The following CADPS variants were observed in gnomAD, a reference collection of about 807,000 sequenced individuals.
CADPS encodes calcium dependent secretion activator.
In CADPS, 57 loss-of-function variants were observed where a neutral mutation model predicts 167.3. The ratio of observed to expected loss-of-function variants is 0.34; its 90% CI spans 0.28 to 0.42. The LOEUF is 0.42. CADPS is among the 20% of genes least tolerant of loss of function. The pLI is 1.00. For synonymous variants in CADPS, 676 were observed against 635.3 expected (o/e 1.06, Z -0.96); for missense variants, 1,414 against 1,738.1 (o/e 0.81, Z 3.32).
chr3:62,835,213 T>C (rs369592965), intron 1 of CADPS, among the ~76,000 whole-genome samples: 3 of 152,228 alleles, frequency 2.0e-5, no homozygotes, highest in East Asian at 3.9e-4. Flanking sequence ...TAAGATAAAA[T>C]TACCTTTTCC....
chr3:62,529,433 C>G (rs1577272856), intron 13 of CADPS, among the ~76,000 whole-genome samples: 1 of 152,180 alleles, frequency 6.6e-6, no homozygotes, highest in African/African-American at 2.4e-5. Context: ...GCACCTTGGA[C>G]AGCAGCCAGG....
chr3:62,446,027 G>C lies in CADPS; in HGVS notation c.3637-230C>G, dbSNP rs2057166182. ...CAAATTTACTGATTCAGATTCTGTT[G>C]CTGGAGCGGGAGCTTTACATTTTCC... On this transcript the variant is annotated intron_variant, in intron 26 of 29. Coordinates refer to ENST00000383710, the MANE Select transcript of CADPS (RefSeq NM_003716.4). This position sits in a 1 kb window ranked among gnomAD's most constrained non-coding sequence, Gnocchi z 4.9. Among the ~76,000 whole-genome samples, 2 of 152,182 alleles carry C rather than the reference G, an allele frequency of 1.3e-5. No individual in the cohort carries two copies. The highest frequency in any genetic ancestry group is 4.8e-5 in the African/African-American group (2 of 41,442).
chr3:62,774,378 A>G (rs1470096636), intron 1 of CADPS, among the ~76,000 whole-genome samples: 2 of 152,180 alleles, frequency 1.3e-5, no homozygotes, highest in East Asian at 3.9e-4. Context: ...CAGTACTCAC[A>G]TGGATTCTTC....
At chr3:62,574,733 T>G (rs1223758088) in intron 8 of CADPS, among the ~76,000 whole-genome samples, 1 of 152,200 alleles carries the variant, frequency 6.6e-6, no homozygotes, top group Non-Finnish European at 1.5e-5. Context: ...ATGCTTAACC[T>G]CTTGGTGCTC....
Position 62,563,823 on chromosome 3 carries a change from A to G in CADPS, c.1645-6310T>C, listed in dbSNP as rs755920095. Among the ~76,000 whole-genome samples, 48 of 152,218 alleles carry G rather than the reference A, an allele frequency of 3.2e-4. 1 individual carries two copies. Among genetic ancestry groups the G allele is most frequent in the South Asian group, 1.2e-3 (6 of 4,838 alleles). Reference sequence around the variant, plus strand: ...TTTCCATTCCTGAGTTACTTCACTTAGAATAATAGTCTCCAATCCCATCCA... The same window carrying G: ...TTTCCATTCCTGAGTTACTTCACTTGGAATAATAGTCTCCAATCCCATCCA... On this transcript the variant is annotated intron_variant, in intron 9 of 29. Transcript: ENST00000383710.
At chr3:62,425,084 A>C (rs993534977) in intron 28 of CADPS, among the ~76,000 whole-genome samples, 6 of 152,184 alleles carry the variant, frequency 3.9e-5, no homozygotes, top group African/African-American at 1.2e-4. Context: ...TGAAAATAAT[A>C]CTATCTCTTC....
intron 6 of CADPS, among the ~76,000 whole-genome samples, chr3:62,621,364 G>A (rs2063142347): frequency 6.6e-6 from 1 of 152,060 alleles, no homozygotes; most frequent in South Asian, 2.1e-4. Context: ...TTCAAGGAAT[G>A]GGAATGTTTA....
rs2076218512 is a variant in CADPS at position 62,544,911 on chromosome 3, C to T, written c.1966+4992G>A. ...CAAACCAGAATAACATAAAGACTAG[C>T]AACAAGGCTCAGGAAAGCAGACAGG... On this transcript the variant is annotated intron_variant, in intron 11 of 29. Coordinates refer to ENST00000383710, the MANE Select transcript of CADPS (RefSeq NM_003716.4). The surrounding 1 kb of genome is among the most constrained non-coding windows in gnomAD (Gnocchi z 4.4). The T allele has an allele frequency of 8.7e-7, 1 of 1,145,524 alleles. No homozygotes were observed. The highest frequency in any genetic ancestry group is 1.6e-5 in the African/African-American group (1 of 61,172). The allele number at this position is 1,145,524 out of a possible 1,614,324, so 71.0% of individuals were successfully genotyped here. A position where few individuals can be genotyped will look rare whatever the true frequency, so the allele number is the denominator to read the frequency against.
At chr3:62,497,246 C>T (rs1223415285) in intron 18 of CADPS, among the ~76,000 whole-genome samples, 1 of 152,166 alleles carries the variant, frequency 6.6e-6, no homozygotes, top group Non-Finnish European at 1.5e-5. Flanking sequence ...CCAAAAATAA[C>T]TTGATTATAA....
At chr3:62,865,643 CA>C (rs201343664) in intron 1 of CADPS, among the ~76,000 whole-genome samples, 2,214 of 152,048 alleles carry the variant, frequency 0.015, 41 homozygotes, top group African/African-American at 0.05. Flanking sequence ...AGGAATAACA[CA>C]GCAAAAATAA....
intron 6 of CADPS, among the ~76,000 whole-genome samples, chr3:62,640,989 C>T (rs2067296532): frequency 6.6e-6 from 1 of 151,954 alleles, no homozygotes; most frequent in African/African-American, 2.4e-5. Context: ...CAATCTCTGC[C>T]ATTTCCGTAT....
At chr3:62,522,485 A>G (rs1051144136) in intron 13 of CADPS, among the ~76,000 whole-genome samples, 12 of 152,212 alleles carry the variant, frequency 7.9e-5, no homozygotes, top group Admixed American at 7.8e-4. Flanking sequence ...AACATACAGT[A>G]AGAACCACTG....
intron 7 of CADPS, among the ~76,000 whole-genome samples, chr3:62,586,280 T>C (rs1442188948): frequency 6.6e-6 from 1 of 152,170 alleles, no homozygotes; most frequent in Non-Finnish European, 1.5e-5. Flanking sequence ...TTCAAAGTAT[T>C]TATTTTCTCT....
chr3:62,777,778 C>T (rs1466782087), intron 1 of CADPS, among the ~76,000 whole-genome samples: 1 of 151,920 alleles, frequency 6.6e-6, no homozygotes, highest in South Asian at 2.1e-4. Flanking sequence ...CAAAGGGATC[C>T]GAATACAGCA....
At chr3:62,619,713 G>A (rs2062867376) in intron 6 of CADPS, among the ~76,000 whole-genome samples, 1 of 152,050 alleles carries the variant, frequency 6.6e-6, no homozygotes, top group Non-Finnish European at 1.5e-5. Context: ...CCGCCTCTTT[G>A]GAATACTTGG....
At chr3:62,867,965 T>C (rs2082010644) in intron 1 of CADPS, among the ~76,000 whole-genome samples, 1 of 151,998 alleles carries the variant, frequency 6.6e-6, no homozygotes. Context: ...AACCCAGGCA[T>C]TCTAATTTCA....
intron 9 of CADPS, among the ~76,000 whole-genome samples, chr3:62,570,233 T>G (rs551717681): frequency 5.5e-4 from 45 of 81,542 alleles, no homozygotes; most frequent in Admixed American, 2.4e-3. Flanking sequence ...TTGGTTTGTT[T>G]CAGTTAAAAA....
chr3:62,684,595 G>C (rs1362831516), intron 3 of CADPS, among the ~76,000 whole-genome samples: 1 of 152,014 alleles, frequency 6.6e-6, no homozygotes, highest in African/African-American at 2.4e-5. Context: ...CCGAGTAAAG[G>C]GCATACCCAA....
rs564087709 is a variant in CADPS, at chr3:62,446,406, T to G, written c.3637-609A>C. On this transcript the variant is annotated intron_variant, in intron 26 of 29. Coordinates refer to ENST00000383710, the MANE Select transcript of CADPS (RefSeq NM_003716.4). This position sits in a 1 kb window ranked among gnomAD's most constrained non-coding sequence, Gnocchi z 4.9. ...GAAGTGGTTATAAAATTTTTAGTTT[T>G]GTGGGGAGGGAGTATGGTAGCGTGC... Among the ~76,000 whole-genome samples, 2 of 152,242 alleles carry G rather than the reference T, an allele frequency of 1.3e-5. No homozygotes were observed. The highest frequency in any genetic ancestry group is 4.1e-4 in the South Asian group (2 of 4,826).
Sources: allele counts gnomAD v4.1 joint callset (sites outside exome capture counted in the v4.1 genomes callset), GRCh38; gene constraint gnomAD v4.1.1; non-coding constraint Gnocchi (gnomAD v3.1); transcripts MANE v1.5; gene names NCBI Gene and HGNC (gene_info 2026-07-23, HGNC 2026-07-21).